The following RYR2 variants were observed in gnomAD, a reference collection of about 807,000 sequenced individuals.
The protein encoded by RYR2 is cardiac muscle ryanodine receptor-calcium release channel.
RYR2 carries 227 observed loss-of-function variants against 601.1 expected under a neutral mutation model. That is an observed-to-expected ratio of 0.38 (90% CI 0.34 to 0.42). RYR2 has a LOEUF of 0.42. RYR2 is among the 10% of genes least tolerant of loss of function. The probability of loss-of-function intolerance (pLI) is 1.00; values close to 1 mark genes in which losing one functional copy is unlikely to be tolerated. For synonymous variants in RYR2, 2,223 were observed against 2,175.1 expected (o/e 1.02, Z -0.61); for missense variants, 4,646 against 6,156.5 (o/e 0.75, Z 8.21).
At chr1:237,817,664 G>A (rs975130034) in intron 100 of RYR2, among the ~76,000 whole-genome samples, 1 of 152,208 alleles carries the variant, frequency 6.6e-6, no homozygotes, top group Non-Finnish European at 1.5e-5. Flanking sequence ...TCCCCCAAGG[G>A]AGTGTCCTAA....
At chr1:237,068,862 T>G in intron 1 of RYR2, among the ~76,000 whole-genome samples, 1 of 152,278 alleles carries the variant, frequency 6.6e-6, no homozygotes, top group Non-Finnish European at 1.5e-5. Flanking sequence ...CTGACATTTT[T>G]CTTCCAACCT....
intron 33 of RYR2, among the ~76,000 whole-genome samples, chr1:237,594,885 G>GGTT (rs1675634412): frequency 1.3e-5 from 1 of 79,048 alleles, no homozygotes; most frequent in African/African-American, 7.2e-5. Context: ...AATATCACTG[G>GGTT]GTTTTTTTTT....
chr1:237,601,364 T>A lies in RYR2; in HGVS notation c.4597-661T>A, dbSNP rs573269912. 1.2e-4 allele frequency among the ~76,000 whole-genome samples: 19 copies of A among 152,238 alleles called. No homozygotes were observed. In the East Asian group the frequency reaches 1.5e-3, roughly 12 times the overall value. On this transcript the variant is annotated intron_variant, in intron 34 of 104. Transcript: ENST00000366574. ...AAAAATACTGCATTGCCCACTCATA[T>A]GTAGAATCGAAAAAAGTTAATGTCA...
chr1:237,255,939 A>G (rs1247781959), intron 1 of RYR2, among the ~76,000 whole-genome samples: 1 of 151,462 alleles, frequency 6.6e-6, no homozygotes, highest in Non-Finnish European at 1.5e-5. Flanking sequence ...GGGACACAGG[A>G]GTGTGGCAGA....
intron 1 of RYR2, among the ~76,000 whole-genome samples, chr1:237,230,494 A>G (rs184023710): frequency 3.3e-4 from 51 of 152,340 alleles, no homozygotes; most frequent in African/African-American, 1.2e-3. Context: ...CATTGAAAGT[A>G]GAGACAGCTT....
chr1:237,413,718 A>G (rs1409162769), intron 10 of RYR2, among the ~76,000 whole-genome samples: 1 of 152,082 alleles, frequency 6.6e-6, no homozygotes, highest in African/African-American at 2.4e-5. Flanking sequence ...TGCACAGAAA[A>G]TGTACATAAT....
rs140106364 is a variant in RYR2 at position 237,184,343 on chromosome 1, G to A, written c.49-86154G>A. On this transcript the variant is annotated intron_variant, in intron 1 of 104. Transcript: ENST00000366574. ...CTCCTGCCCTTTCTCCCAATTATGA[G>A]ATGAGAAGATGCTGACTCAGGTTTC... 7.6e-4 allele frequency among the ~76,000 whole-genome samples: 115 copies of A among 152,292 alleles called. 1 individual carries two copies. The highest frequency in any genetic ancestry group is 2.7e-3 in the African/African-American group (111 of 41,566).
chr1:237,513,261 GC>G (rs1416356895), intron 24 of RYR2, among the ~76,000 whole-genome samples: 2 of 152,162 alleles, frequency 1.3e-5, no homozygotes, highest in African/African-American at 2.4e-5. Context: ...TTTTTGCAAA[GC>G]CAGTAACTTT....
intron 80 of RYR2, among the ~76,000 whole-genome samples, chr1:237,752,896 A>G (rs1038556468): frequency 1.4e-4 from 21 of 152,220 alleles, no homozygotes; most frequent in Non-Finnish European, 1.3e-4. Context: ...GGATATTTCT[A>G]TTCTCTTATA....
chr1:237,129,415 T>A (rs1199180465), intron 1 of RYR2, among the ~76,000 whole-genome samples: 1 of 152,164 alleles, frequency 6.6e-6, no homozygotes, highest in Non-Finnish European at 1.5e-5. Context: ...CTGTCCAGGA[T>A]TCGGGAGAAC....
chr1:237,270,781 C>T (rs1012659872), intron 2 of RYR2, among the ~76,000 whole-genome samples, 165 bp downstream of exon 2: 1 of 152,158 alleles, frequency 6.6e-6, no homozygotes, highest in Non-Finnish European at 1.5e-5. Flanking sequence ...TTGAGTCTCT[C>T]CTGGGTACAA....
chr1:237,332,083 T>G (rs2149574399), intron 3 of RYR2, among the ~76,000 whole-genome samples: 1 of 152,328 alleles, frequency 6.6e-6, no homozygotes, highest in Admixed American at 6.5e-5. Flanking sequence ...AATTTTATTT[T>G]GCCATTATTG....
intron 25 of RYR2, among the ~76,000 whole-genome samples, chr1:237,540,791 A>G (rs982223932): frequency 5.3e-5 from 8 of 151,916 alleles, no homozygotes; most frequent in Admixed American, 4.6e-4. Context: ...GCTCTTCCCA[A>G]CACAGCCTTA....
intron 92 of RYR2, among the ~76,000 whole-genome samples, chr1:237,790,039 G>T (rs1047150910): frequency 6.6e-6 from 1 of 152,190 alleles, no homozygotes; most frequent in Non-Finnish European, 1.5e-5. Context: ...ATATCATTCT[G>T]AGGTGTTACA....
At chr1:237,730,843 G>T (rs531291728) in intron 77 of RYR2, among the ~76,000 whole-genome samples, 7 of 152,212 alleles carry the variant, frequency 4.6e-5, no homozygotes, top group African/African-American at 1.7e-4. Flanking sequence ...TCACCAGACT[G>T]TGCTGATAAA....
intron 56 of RYR2, among the ~76,000 whole-genome samples, chr1:237,663,362 A>G (rs187085873): frequency 2.1e-4 from 32 of 152,312 alleles, no homozygotes; most frequent in African/African-American, 6.0e-4. Flanking sequence ...TTATAGCATC[A>G]TTTTATAAAA....
At chr1:237,689,084 A>ATGT (rs1686708698) in intron 63 of RYR2, among the ~76,000 whole-genome samples, 1 of 152,092 alleles carries the variant, frequency 6.6e-6, no homozygotes, top group South Asian at 2.1e-4. Context: ...GCAACATAGC[A>ATGT]AGACCTTGGC....
At position 237,635,004 on chromosome 1, in the gene RYR2, T is replaced by A; in HGVS notation, c.6792+12T>A. The A allele has an allele frequency of 6.6e-7, 1 of 1,517,046 alleles. No individual in the cohort carries two copies. Among genetic ancestry groups the A allele is most frequent in the Non-Finnish European group, 8.9e-7 (1 of 1,118,580 alleles). The allele number at this position is 1,517,046 out of a possible 1,614,324, so 94.0% of individuals were successfully genotyped here. A position where few individuals can be genotyped will look rare whatever the true frequency, so the allele number is the denominator to read the frequency against. On this transcript the variant is annotated intron_variant, in intron 44 of 104. Transcript: ENST00000366574. ...CGGATCTAGAAAAGGTGAGCAATGT[T>A]CCTGCCCTGTGTGTTTGTCTGAATT... is the stretch of plus-strand genomic sequence containing the variant.
chr1:237,359,180 A>C (rs932411079), intron 4 of RYR2, among the ~76,000 whole-genome samples: 1 of 152,204 alleles, frequency 6.6e-6, no homozygotes, highest in Non-Finnish European at 1.5e-5. Context: ...GGCTGAGAAC[A>C]CTTACATTAG....
Sources: gnomAD v4.1 joint callset for allele counts (sites outside exome capture counted in the v4.1 genomes callset) on GRCh38, gnomAD v4.1.1 for gene constraint, MANE v1.5 for transcripts, NCBI Gene and HGNC (gene_info 2026-07-23, HGNC 2026-07-21) for gene names.